ADI1: variants seen among roughly 807,000 people sequenced by gnomAD.
The protein encoded by ADI1 is acireductone dioxygenase.
Under a neutral mutation model 18.7 loss-of-function variants are expected in ADI1, and 21 were observed. The ratio of observed to expected loss-of-function variants is 1.13; its 90% CI spans 0.80 to 1.62. ADI1 has a LOEUF of 1.62. ADI1 is among the 40% of genes most tolerant of loss of function. The pLI is 0.00. For synonymous variants in ADI1, 90 were observed against 100.1 expected, an observed-to-expected ratio of 0.90 and a Z score of 0.60; for missense variants, 245 against 254.9, an observed-to-expected ratio of 0.96 and a Z score of 0.26.
Position 3,502,980 on chromosome 2 carries a change from T to C in ADI1, c.241-1987A>G, listed in dbSNP as rs374645271. 3.3e-5 allele frequency among the ~76,000 whole-genome samples: 5 copies of C among 152,128 alleles called. No individual in the cohort carries two copies. In the South Asian group the frequency reaches 1.0e-3, roughly 32 times the overall value. On this transcript the variant is annotated intron_variant, in intron 2 of 3. Coordinates refer to ENST00000327435, the MANE Select transcript of ADI1 (RefSeq NM_018269.4). ...GTGAGAGGAAAGATACAAATACTGATGAGGAAGGCAAAGGAAAGCCCTGTG... is the reference window on the plus strand; with the variant it reads ...GTGAGAGGAAAGATACAAATACTGACGAGGAAGGCAAAGGAAAGCCCTGTG...
At chr2:3,507,440 C>A (rs1336248792) in intron 2 of ADI1, among the ~76,000 whole-genome samples, 1 of 151,938 alleles carries the variant, frequency 6.6e-6, no homozygotes, top group Admixed American at 6.6e-5. Context: ...AAAAAATGCA[C>A]CTAACCTATA....
intron 2 of ADI1, among the ~76,000 whole-genome samples, chr2:3,511,813 C>T (rs1667299992): frequency 1.3e-5 from 2 of 152,172 alleles, no homozygotes; most frequent in African/African-American, 2.4e-5. Flanking sequence ...GTCATACAGA[C>T]AATAAAGTCC....
At chr2:3,503,831 T>C (rs1667104601) in intron 2 of ADI1, among the ~76,000 whole-genome samples, 1 of 151,860 alleles carries the variant, frequency 6.6e-6, no homozygotes, top group African/African-American at 2.4e-5. Flanking sequence ...TCAACATAAA[T>C]CCCAGCAAGA....
At position 3,497,769 on chromosome 2, in the gene ADI1, G is replaced by A. The variant is rs1666899445; in HGVS notation, c.*1194C>T. On this transcript the variant is annotated 3_prime_UTR_variant, in exon 4 of 4. Transcript: ENST00000327435. ...GCAGGAGGCCAGCCCCGCACGAGGAGTTTCAAACACTAAGGATCCTGACAG... is the reference window on the plus strand; with the variant it reads ...GCAGGAGGCCAGCCCCGCACGAGGAATTTCAAACACTAAGGATCCTGACAG... 2 of 152,206 alleles carry A rather than the reference G, an allele frequency of 1.3e-5. No homozygotes were observed. Among genetic ancestry groups the A allele is most frequent in the Non-Finnish European group, 2.9e-5 (2 of 68,040 alleles). The allele number at this position is 152,206 out of a possible 1,614,324, so 9.4% of individuals were successfully genotyped here. A position where few individuals can be genotyped will look rare whatever the true frequency, so the allele number is the denominator to read the frequency against.
At chr2:3,508,955 GA>G (rs1329814531) in intron 2 of ADI1, among the ~76,000 whole-genome samples, 2 of 146,644 alleles carry the variant, frequency 1.4e-5, no homozygotes, top group Non-Finnish European at 3.0e-5. Flanking sequence ...AAGGAGAGGA[GA>G]GGGGAGGAGA....
chr2:3,513,915 TAG>T lies in ADI1; in HGVS notation c.180_181del (p.Asn60LysfsTer13), dbSNP rs1667343831. The T allele has an allele frequency of 1.2e-6, 2 of 1,612,246 alleles. No individual in the cohort carries two copies. The highest frequency in any genetic ancestry group is 1.7e-6 in the Non-Finnish European group (2 of 1,179,634). On this transcript the variant is annotated frameshift_variant, in exon 2 of 4. Coordinates refer to ENST00000327435, the MANE Select transcript of ADI1 (RefSeq NM_018269.4). LOFTEE classifies it high-confidence loss of function. ...TATGGTTATGATGTCCATCCAGGAG[TAG>T]TTCCTCTCTCTTCGGATCTTTTCTA...
At chr2:3,513,811 T>C (rs1572239004) in intron 2 of ADI1, 46 bp downstream of exon 2, 1 of 1,552,608 alleles carries the variant, frequency 6.4e-7, no homozygotes, top group East Asian at 2.3e-5. Context: ...CTATTAGTAG[T>C]GAATATAATG....
chr2:3,501,086 A>G (rs1666994977), intron 2 of ADI1, 93 bp from the exon 3 acceptor site: 3 of 1,142,560 alleles, frequency 2.6e-6, no homozygotes, highest in Middle Eastern at 2.0e-4. Context: ...TTGGTGGGCC[A>G]GAGCTGAGGT....
Position 3,508,919 on chromosome 2 carries a change from A to AGGGAAG in ADI1, c.240+4932_240+4937dup, listed in dbSNP as rs796595804. Among the ~76,000 whole-genome samples, 44 of 142,396 alleles carry AGGGAAG rather than the reference A, an allele frequency of 3.1e-4. 1 individual carries two copies. Among genetic ancestry groups the AGGGAAG allele is most frequent in the African/African-American group, 1.1e-3 (42 of 39,334 alleles). The allele number at this position is 142,396 out of a possible 152,430, so 93.4% of individuals were successfully genotyped here. A position where few individuals can be genotyped will look rare whatever the true frequency, so the allele number is the denominator to read the frequency against. ...ACTCTGTCAAAAAAGGAAGAAGGGAAGGGAAGGGGAAGGGGAAGGGGAGAA... is the reference window on the plus strand; with the variant it reads ...ACTCTGTCAAAAAAGGAAGAAGGGAAGGGAAGGGGAAGGGGAAGGGGAAGGGGAGAA... On this transcript the variant is annotated intron_variant, in intron 2 of 3. Coordinates refer to ENST00000327435, the MANE Select transcript of ADI1 (RefSeq NM_018269.4).
intron 2 of ADI1, among the ~76,000 whole-genome samples, chr2:3,508,334 CA>C (rs33977448): frequency 0.069 from 1,841 of 26,838 alleles, 60 homozygotes; most frequent in African/African-American, 0.14. Context: ...GACTCTGTCT[CA>C]AAAAAAAAAA....
At chr2:3,514,081 T>C (rs1475713049) in intron 1 of ADI1, 105 bp from the exon 2 acceptor site, 1 of 1,375,392 alleles carries the variant, frequency 7.3e-7, no homozygotes, top group Admixed American at 2.8e-5. Flanking sequence ...AAATTTATCA[T>C]TTGTTATTTT....
At chr2:3,499,412 C>T (rs1480036709) in intron 3 of ADI1, among the ~76,000 whole-genome samples, 4 of 152,156 alleles carry the variant, frequency 2.6e-5, no homozygotes, top group African/African-American at 7.2e-5. Flanking sequence ...ACCTCCTCTC[C>T]GCCTCATTTG....
In ADI1 at chr2:3,503,381, AC is replaced by A. The variant is rs1316558050; in HGVS notation, c.241-2389del. Among the ~76,000 whole-genome samples the A allele has an allele frequency of 2.1e-5, 3 of 143,948 alleles. 1 individual carries two copies. Among genetic ancestry groups the A allele is most frequent in the African/African-American group, 5.4e-5 (2 of 36,946 alleles). The allele number at this position is 143,948 out of a possible 152,430, so 94.4% of individuals were successfully genotyped here. On this transcript the variant is annotated intron_variant, in intron 2 of 3. Coordinates refer to ENST00000327435, the MANE Select transcript of ADI1 (RefSeq NM_018269.4). The stretch of plus-strand genomic sequence containing the variant: ...CATTCACACACATGCACACATACAC[AC>A]GTACTCACACGCACATTCACACACA...
At chr2:3,516,727 T>G in intron 1 of ADI1, 1 of 985,044 alleles carries the variant, frequency 1.0e-6, no homozygotes, top group Non-Finnish European at 1.2e-6. Flanking sequence ...GGTATTTAGT[T>G]TATTCCAAGC....
Position 3,519,481 on chromosome 2 carries a change from G to A in ADI1, c.7C>T (p.Gln3Ter). Reference sequence around the variant, plus strand: ...GGGGCGTCGTCCATATACCAGGCCTGCACCATGACGCGCAGTGCGGGTGCC... The same window carrying A: ...GGGGCGTCGTCCATATACCAGGCCTACACCATGACGCGCAGTGCGGGTGCC... MV[Q>*]AWYMDDAPGD... is the part of the protein sequence containing the mutation. The change falls in exon 1 of 4, where the codon CAG becomes TAG. Residue 3 changes from glutamine to a stop codon, truncating the protein, a stop_gained. Coordinates refer to ENST00000327435, the MANE Select transcript of ADI1 (RefSeq NM_018269.4). LOFTEE classifies it high-confidence loss of function. 7.7e-7 allele frequency: 1 copy of A among 1,305,100 alleles called. No individual in the cohort carries two copies. The highest frequency in any genetic ancestry group is 9.8e-7 in the Non-Finnish European group (1 of 1,024,710). The allele number at this position is 1,305,100 out of a possible 1,614,324, so 80.8% of individuals were successfully genotyped here.
Position 3,513,986 on chromosome 2 carries a change from T to C in ADI1, c.121-10A>G. 4 of 1,586,124 alleles carry C rather than the reference T, an allele frequency of 2.5e-6. No homozygotes were observed. Among genetic ancestry groups the C allele is most frequent in the Non-Finnish European group, 3.4e-6 (4 of 1,172,380 alleles). ...ATTTGTCAGCATCCAGCTAAAAGAG[T>C]TAACCCACCAAAAACAAGAGCTCAG... On this transcript the variant is annotated splice_polypyrimidine_tract_variant and intron_variant, in intron 1 of 3. Transcript: ENST00000327435.
In ADI1 at chr2:3,499,094, A is replaced by C. The variant is rs755803454; in HGVS notation, c.421-12T>G. 4 of 1,611,770 alleles carry C rather than the reference A, an allele frequency of 2.5e-6. No individual in the cohort carries two copies. In the Admixed American group the frequency reaches 6.7e-5, roughly 27 times the overall value. ...GCCTTCGTGTAGTTCTGGAAAACAG[A>C]CAAACACACCCAGCATCTCATTAAA... On this transcript the variant is annotated splice_polypyrimidine_tract_variant and intron_variant, in intron 3 of 3. Transcript: ENST00000327435.
intron 2 of ADI1, among the ~76,000 whole-genome samples, chr2:3,506,539 C>T (rs1352856219): frequency 6.6e-6 from 1 of 152,138 alleles, no homozygotes; most frequent in Non-Finnish European, 1.5e-5. Context: ...TCTGATGAAA[C>T]AAATCAAAAA....
At chr2:3,502,760 A>G (rs1667053444) in intron 2 of ADI1, among the ~76,000 whole-genome samples, 2 of 152,176 alleles carry the variant, frequency 1.3e-5, no homozygotes, top group Admixed American at 6.5e-5. Flanking sequence ...ACAAACGGAA[A>G]TAACTCTTGA....
Sources: gnomAD v4.1 joint callset for allele counts (sites outside exome capture counted in the v4.1 genomes callset) on GRCh38, gnomAD v4.1.1 for gene constraint, MANE v1.5 for transcripts, NCBI Gene and HGNC (gene_info 2026-07-23, HGNC 2026-07-21) for gene names.